RHPN1: variants seen among roughly 807,000 people sequenced by gnomAD.
RHPN1 encodes rhophilin Rho GTPase binding protein 1.
Under a neutral mutation model 74.7 loss-of-function variants are expected in RHPN1, and 77 were observed. The ratio of observed to expected loss-of-function variants is 1.03; its 90% CI spans 0.86 to 1.25. The LOEUF (loss-of-function observed/expected upper bound fraction) is 1.25. Ranked by LOEUF, RHPN1 falls within the 50% of genes most tolerant of loss-of-function variation. The pLI is 0.00. For missense variants in RHPN1, 987 were observed against 932.2 expected, an observed-to-expected ratio of 1.06 and a Z score of -0.77; for synonymous variants, 444 against 414.5, an observed-to-expected ratio of 1.07 and a Z score of -0.87.
In RHPN1 at chr8:143,378,719, T is replaced by C; in HGVS notation, c.483T>C (p.Asn161=). The C allele has an allele frequency of 6.3e-7, 1 of 1,596,102 alleles. No individual in the cohort carries two copies. ...AGGCCATGCGGACCCCCAGCCGGAA[T>C]GAGTCGGGCCTGGAGCTGCTCACAG... ...LRQAMRTPSR[N]ESGLELLTAY... The change falls in exon 6 of 15, where the codon AAT becomes AAC. Residue 161 remains asparagine, a synonymous_variant. Transcript: ENST00000289013.
chr8:143,376,593 A>C lies in RHPN1; in HGVS notation c.245A>C (p.Gln82Pro). The C allele has an allele frequency of 6.2e-7, 1 of 1,605,072 alleles. No individual in the cohort carries two copies. Among genetic ancestry groups the C allele is most frequent in the Non-Finnish European group, 8.5e-7 (1 of 1,176,264 alleles). ...LELSYVNSNL[Q>P]LLKEELEELS... is the part of the protein sequence containing the mutation. ...CTGAGCTACGTCAACTCCAACCTGC[A>C]GCTGCTGAAGGAGGAGCTGGAGGAG... Residue 82 changes from glutamine to proline, a missense_variant, in exon 3 of 15, where the codon CAG becomes CCG. Transcript: ENST00000289013.
intron 1 of RHPN1, among the ~76,000 whole-genome samples, chr8:143,371,464 C>T (rs1322958361): frequency 6.6e-6 from 1 of 152,102 alleles, no homozygotes; most frequent in Non-Finnish European, 1.5e-5. Flanking sequence ...CTGCCTGGCC[C>T]AGGGCCAGGG....
chr8:143,373,837 C>T (rs780654359), intron 1 of RHPN1, among the ~76,000 whole-genome samples: 3 of 152,038 alleles, frequency 2.0e-5, no homozygotes, highest in African/African-American at 4.8e-5. Flanking sequence ...CTTGTCACTG[C>T]GATTAAGGAC....
chr8:143,370,144 T>C (rs771169734), intron 1 of RHPN1, among the ~76,000 whole-genome samples: 3 of 152,206 alleles, frequency 2.0e-5, no homozygotes, highest in Non-Finnish European at 2.9e-5. Context: ...TTTGGGAGGC[T>C]GTACAAACAA....
intron 1 of RHPN1, among the ~76,000 whole-genome samples, chr8:143,372,346 C>T (rs1817884514): frequency 6.6e-6 from 1 of 152,134 alleles, no homozygotes; most frequent in African/African-American, 2.4e-5. Context: ...GGGAGCTTCT[C>T]AGATCTGAGG....
chr8:143,378,814 T>C lies in RHPN1; in HGVS notation c.578T>C (p.Phe193Ser), dbSNP rs1563798072. The C allele has an allele frequency of 6.4e-7, 1 of 1,565,056 alleles. No homozygotes were observed. The highest frequency in any genetic ancestry group is 8.7e-7 in the Non-Finnish European group (1 of 1,155,150). ...LTPARSLGLF[F>S]HWYDSLTGVP... Reference sequence around the variant, plus strand: ...CCTGCCAGGAGCCTCGGGCTCTTCTTCCACTGGTAGGGGCTCTGCGGGCGG... The same window carrying C: ...CCTGCCAGGAGCCTCGGGCTCTTCTCCCACTGGTAGGGGCTCTGCGGGCGG... Residue 193 changes from phenylalanine to serine, a missense_variant, in exon 6 of 15, where the codon TTC (phenylalanine) becomes TCC (serine). Phe to Ser is a radical substitution (Grantham distance 155). Transcript: ENST00000289013.
intron 10 of RHPN1, 136 bp downstream of exon 10, chr8:143,380,311 T>A: frequency 5.5e-6 from 4 of 727,090 alleles, no homozygotes; most frequent in Non-Finnish European, 8.8e-6. Context: ...TATCCCTGGA[T>A]GGCCTGTGCC....
At chr8:143,377,737 G>A (rs1430853349) in intron 4 of RHPN1, among the ~76,000 whole-genome samples, 1 of 152,208 alleles carries the variant, frequency 6.6e-6, no homozygotes, top group East Asian at 1.9e-4. Context: ...TGCCCTAGGA[G>A]GATGGGGCCT....
chr8:143,381,033 C>G (rs1344276690), intron 11 of RHPN1, among the ~76,000 whole-genome samples: 1 of 152,236 alleles, frequency 6.6e-6, no homozygotes, highest in Non-Finnish European at 1.5e-5. Flanking sequence ...AGCCCACAGA[C>G]CCAGGACAGG....
rs774139398 is a variant in RHPN1 at position 143,376,558 on chromosome 8, C to T, written c.210C>T (p.Val70=). The change falls in exon 3 of 15, where the codon GTC becomes GTT. Residue 70 remains valine, a synonymous_variant. Coordinates refer to ENST00000289013, the MANE Select transcript of RHPN1 (RefSeq NM_052924.3). ...ATSNNRVRET[V]ALELSYVNSN... is the part of the protein sequence containing the mutation. ...GCAACAACCGGGTGAGAGAGACGGT[C>T]GCCCTGGAGCTGAGCTACGTCAACT... 19 of 1,612,044 alleles carry T rather than the reference C, an allele frequency of 1.2e-5. No individual in the cohort carries two copies. Among genetic ancestry groups the T allele is most frequent in the Middle Eastern group, 1.7e-4 (1 of 6,058 alleles).
At chr8:143,368,852 G>A (rs1295747348), upstream of RHPN1, 4 of 490,852 alleles carry the variant, frequency 8.1e-6, no homozygotes, top group South Asian at 6.0e-5. Context: ...CACTCAGGAG[G>A]GACAGTCGGG....
At chr8:143,374,433 T>C in intron 1 of RHPN1, 1 of 580,768 alleles carries the variant, frequency 1.7e-6, no homozygotes, top group Non-Finnish European at 2.2e-6. Flanking sequence ...CTGGCAGAAA[T>C]GGCCAGGTTG....
chr8:143,380,513 G>A (rs923646064), intron 10 of RHPN1, 76 bp from the exon 11 acceptor site: 37 of 1,333,442 alleles, frequency 2.8e-5, no homozygotes, highest in Middle Eastern at 2.7e-4. Context: ...CAGCCCTGGC[G>A]TTGCCCACTC....
chr8:143,377,299 A>T, intron 3 of RHPN1, 81 bp from the exon 4 acceptor site: 1 of 1,110,664 alleles, frequency 9.0e-7, no homozygotes, highest in Non-Finnish European at 1.3e-6. Flanking sequence ...CCTGTGCCAC[A>T]GAGCCCTAGG....
chr8:143,366,502 CCCT>C (rs1459664664), upstream of RHPN1: 2 of 144,854 alleles, frequency 1.4e-5, no homozygotes, highest in African/African-American at 5.2e-5. Flanking sequence ...AGCACCACCC[CCCT>C]CCAACACACA....
At chr8:143,372,741 G>C (rs574740648) in intron 1 of RHPN1, among the ~76,000 whole-genome samples, 4 of 150,064 alleles carry the variant, frequency 2.7e-5, no homozygotes, top group Non-Finnish European at 4.4e-5. Flanking sequence ...GGGATGGTGC[G>C]GGTGTCCAGC....
chr8:143,381,458 C>G, intron 12 of RHPN1, 114 bp downstream of exon 12: 1 of 1,465,364 alleles, frequency 6.8e-7, no homozygotes, highest in Admixed American at 2.1e-5. Flanking sequence ...TCCCCACCCA[C>G]CTTGTGGAAC....
At chr8:143,382,328 C>T (rs752195668) in intron 14 of RHPN1, 108 bp from the exon 15 acceptor site, 2 of 974,124 alleles carry the variant, frequency 2.1e-6, no homozygotes, top group Non-Finnish European at 3.1e-6. Flanking sequence ...CCAAACAAGC[C>T]CCCGACGTGC....
chr8:143,381,223 G>T, intron 11 of RHPN1, 45 bp from the exon 12 acceptor site: 1 of 1,538,334 alleles, frequency 6.5e-7, no homozygotes, highest in South Asian at 1.2e-5. Flanking sequence ...CCCGAGGCAG[G>T]TCTCCACAGT....
Sources: gnomAD v4.1 joint callset for allele counts (sites outside exome capture counted in the v4.1 genomes callset) on GRCh38, gnomAD v4.1.1 for gene constraint, MANE v1.5 for transcripts, NCBI Gene and HGNC (gene_info 2026-07-23, HGNC 2026-07-21) for gene names.